TMTC2: variants seen among roughly 807,000 people sequenced by gnomAD.
TMTC2 encodes the protein transmembrane O-mannosyltransferase targeting cadherins 2, also known as protein O-mannosyl-transferase TMTC2.
In TMTC2, 43 loss-of-function variants were observed where a neutral mutation model predicts 82.4. That is an observed-to-expected ratio of 0.52 (90% CI 0.41 to 0.67). The LOEUF is 0.67. TMTC2 is among the 30% of genes least tolerant of loss of function. The pLI is 0.00. For synonymous variants in TMTC2, 408 were observed against 381.9 expected (o/e 1.07, Z -0.80); for missense variants, 919 against 1,012.4 (o/e 0.91, Z 1.25).
intron 8 of TMTC2, among the ~76,000 whole-genome samples, chr12:83,003,218 T>C (rs540488871): frequency 5.9e-5 from 9 of 152,300 alleles, no homozygotes; most frequent in South Asian, 2.1e-4. Context: ...GTCTGTTTTA[T>C]CTGATATGAG....
At chr12:82,940,145 G>A (rs1876632653) in intron 4 of TMTC2, among the ~76,000 whole-genome samples, 1 of 151,028 alleles carries the variant, frequency 6.6e-6, no homozygotes, top group Non-Finnish European at 1.5e-5. Context: ...AGCCTCCGGA[G>A]TAGCTGGGAT....
chr12:83,098,618 G>A (rs901054752), intron 11 of TMTC2, among the ~76,000 whole-genome samples: 50 of 152,040 alleles, frequency 3.3e-4, no homozygotes, highest in African/African-American at 8.7e-4. Flanking sequence ...GCTTTTTTGT[G>A]TGCCAGAAAC....
At chr12:83,122,282 C>A (rs1884977283) in intron 11 of TMTC2, among the ~76,000 whole-genome samples, 1 of 151,478 alleles carries the variant, frequency 6.6e-6, no homozygotes, top group Non-Finnish European at 1.5e-5. Context: ...TTCCTTCTTC[C>A]CCCGCCTGTG....
intron 1 of TMTC2, among the ~76,000 whole-genome samples, chr12:82,714,464 TC>T (rs1390554852): frequency 6.6e-6 from 1 of 152,206 alleles, no homozygotes; most frequent in African/African-American, 2.4e-5. Flanking sequence ...ATTGTGTCTG[TC>T]CTTTTTTTTA....
At chr12:82,770,946 C>T (rs1160650781) in intron 1 of TMTC2, among the ~76,000 whole-genome samples, 1 of 152,074 alleles carries the variant, frequency 6.6e-6, no homozygotes, top group Admixed American at 6.6e-5. Flanking sequence ...CAGTGGCTCA[C>T]GCCTCTAATT....
intron 11 of TMTC2, among the ~76,000 whole-genome samples, chr12:83,108,027 T>C (rs1884475972): frequency 6.6e-6 from 1 of 152,148 alleles, no homozygotes; most frequent in South Asian, 2.1e-4. Flanking sequence ...TTCCTTCTGC[T>C]CTGGCCATGT....
intron 9 of TMTC2, among the ~76,000 whole-genome samples, chr12:83,049,124 T>C (rs1248425721): frequency 2.6e-5 from 4 of 152,214 alleles, no homozygotes; most frequent in Non-Finnish European, 5.9e-5. Flanking sequence ...TTTATTTTTT[T>C]TGTTTTTATC....
At chr12:83,119,784 C>G (rs1357479818) in intron 11 of TMTC2, among the ~76,000 whole-genome samples, 1 of 151,882 alleles carries the variant, frequency 6.6e-6, no homozygotes, top group Non-Finnish European at 1.5e-5. Flanking sequence ...TCTCTCATTT[C>G]TCAGGTCTAG....
chr12:82,702,744 T>C (rs954692706), intron 1 of TMTC2, among the ~76,000 whole-genome samples: 2 of 152,100 alleles, frequency 1.3e-5, no homozygotes, highest in Admixed American at 6.6e-5. Flanking sequence ...CTGGGCAACA[T>C]AGCGAGATTC....
intron 1 of TMTC2, among the ~76,000 whole-genome samples, chr12:82,818,657 C>T (rs566364193): frequency 6.6e-6 from 1 of 152,186 alleles, no homozygotes; most frequent in Non-Finnish European, 1.5e-5. Context: ...TGGGAGTGCC[C>T]ACTAATAGTT....
chr12:83,019,410 A>G (rs1490065385), intron 8 of TMTC2, among the ~76,000 whole-genome samples: 1 of 152,122 alleles, frequency 6.6e-6, no homozygotes, highest in African/African-American at 2.4e-5. Context: ...ACCAGTGATC[A>G]TGTTATGAAA....
chr12:82,982,590 A>G (rs1878972316), intron 7 of TMTC2, among the ~76,000 whole-genome samples: 1 of 151,934 alleles, frequency 6.6e-6, no homozygotes, highest in African/African-American at 2.4e-5. Context: ...ATTGAATTAC[A>G]TATGCGTAGA....
At chr12:83,094,788 AG>A (rs1364128380) in intron 11 of TMTC2, among the ~76,000 whole-genome samples, 1 of 152,238 alleles carries the variant, frequency 6.6e-6, no homozygotes. Context: ...GCGACTAAGT[AG>A]GTTCTGGTAC....
intron 11 of TMTC2, among the ~76,000 whole-genome samples, chr12:83,067,166 A>T (rs1016256816): frequency 6.6e-6 from 1 of 151,988 alleles, no homozygotes; most frequent in Middle Eastern, 3.2e-3. Context: ...TGTAAAAAAA[A>T]GAAAAACAAG....
chr12:82,914,913 C>T (rs1874917500), intron 3 of TMTC2, among the ~76,000 whole-genome samples: 2 of 150,094 alleles, frequency 1.3e-5, no homozygotes, highest in South Asian at 4.2e-4. Flanking sequence ...GCAACCTCTG[C>T]CTCCCAGGTT....
At chr12:82,823,639 A>G (rs1869239453) in intron 1 of TMTC2, among the ~76,000 whole-genome samples, 1 of 152,228 alleles carries the variant, frequency 6.6e-6, no homozygotes, top group Non-Finnish European at 1.5e-5. Context: ...GGAATATAAA[A>G]TTAATTTAGG....
chr12:82,708,616 C>T (rs1397533599), intron 1 of TMTC2, among the ~76,000 whole-genome samples: 6 of 152,206 alleles, frequency 3.9e-5, no homozygotes, highest in African/African-American at 1.4e-4. Flanking sequence ...GCCCCTGTCA[C>T]GTGGTCCTGG....
chr12:82,810,139 A>G (rs1194145753), intron 1 of TMTC2, among the ~76,000 whole-genome samples: 1 of 152,028 alleles, frequency 6.6e-6, no homozygotes, highest in African/African-American at 2.4e-5. Flanking sequence ...ATGCTTAATG[A>G]GAGAGAAGAC....
intron 1 of TMTC2, among the ~76,000 whole-genome samples, chr12:82,836,857 C>G (rs529838089): frequency 1.3e-5 from 2 of 152,150 alleles, no homozygotes; most frequent in South Asian, 4.2e-4. Context: ...ATTTGACCAG[C>G]CTTCATTCCT....
Sources: allele counts gnomAD v4.1 joint callset (sites outside exome capture counted in the v4.1 genomes callset), GRCh38; gene constraint gnomAD v4.1.1; transcripts MANE v1.5; gene names NCBI Gene and HGNC (gene_info 2026-07-23, HGNC 2026-07-21).